The following ATXN1 variants were observed in gnomAD, a reference collection of about 807,000 sequenced individuals.
The protein encoded by ATXN1 is ataxin 1.
Under a neutral mutation model 56.4 loss-of-function variants are expected in ATXN1, and 8 were observed. The ratio of observed to expected loss-of-function variants is 0.14; its 90% CI spans 0.08 to 0.26. The LOEUF (loss-of-function observed/expected upper bound fraction) is 0.26, where lower values mean the gene tolerates loss of function less well. ATXN1 is among the 10% of genes least tolerant of loss of function. The pLI is 1.00. For missense variants in ATXN1, 987 were observed against 1,106.5 expected (o/e 0.89, Z 1.53); for synonymous variants, 514 against 494.6 (o/e 1.04, Z -0.52).
chr6:16,374,291 G>T (rs1171103758), intron 6 of ATXN1, among the ~76,000 whole-genome samples: 1 of 152,062 alleles, frequency 6.6e-6, no homozygotes, highest in Non-Finnish European at 1.5e-5. Flanking sequence ...CAAGCTAGAG[G>T]GTTTATTAGA....
intron 2 of ATXN1, among the ~76,000 whole-genome samples, chr6:16,704,860 T>A (rs1759373023): frequency 6.6e-6 from 1 of 152,206 alleles, no homozygotes; most frequent in Non-Finnish European, 1.5e-5. Flanking sequence ...TGCACCAATG[T>A]GCAGAACTTT....
At chr6:16,557,383 G>A (rs1403812521) in intron 4 of ATXN1, among the ~76,000 whole-genome samples, 2 of 150,836 alleles carry the variant, frequency 1.3e-5, no homozygotes, top group Non-Finnish European at 3.0e-5. Flanking sequence ...ATACTACTGA[G>A]GGACAGAGGA....
chr6:16,736,437 G>A (rs1252711929), intron 2 of ATXN1, among the ~76,000 whole-genome samples: 1 of 152,142 alleles, frequency 6.6e-6, no homozygotes, highest in African/African-American at 2.4e-5. Flanking sequence ...AAAATAAAGA[G>A]CTTTTCAGGA....
chr6:16,427,845 A>G (rs1759189359), intron 6 of ATXN1, among the ~76,000 whole-genome samples: 1 of 152,200 alleles, frequency 6.6e-6, no homozygotes, highest in Admixed American at 6.5e-5. Flanking sequence ...AATGTATTCC[A>G]TAGGGCTCTA....
intron 6 of ATXN1, among the ~76,000 whole-genome samples, chr6:16,481,576 T>C (rs538046055): frequency 2.2e-4 from 33 of 152,310 alleles, no homozygotes; most frequent in African/African-American, 6.5e-4. Flanking sequence ...AGGGAGTCCA[T>C]AGACACACAA....
intron 4 of ATXN1, among the ~76,000 whole-genome samples, chr6:16,581,230 C>CGTGT (rs1211990167): frequency 5.5e-5 from 7 of 127,824 alleles, no homozygotes; most frequent in South Asian, 5.1e-4. Flanking sequence ...TGTGTGCGCG[C>CGTGT]GTGTGTGTGT....
chr6:16,470,569 A>C (rs1760197713), intron 6 of ATXN1, among the ~76,000 whole-genome samples: 1 of 152,216 alleles, frequency 6.6e-6, no homozygotes, highest in Admixed American at 6.5e-5. Flanking sequence ...GATTATTATT[A>C]TGTTAGCTAT....
At position 16,327,696 on chromosome 6, in the gene ATXN1, C is replaced by CTGCTGCTGA. The variant is rs1760864776; in HGVS notation, c.614_615insTCAGCAGCA (p.Gln204_Gln205insHisGlnGln). ...GCTGCTGATGCTGATGCTGCTGCTG[C>CTGCTGCTGA]TGCTGCTGCTGCTGCTGCTGCTGCT... On this transcript the variant is annotated inframe_insertion, in exon 7 of 8. Transcript: ENST00000436367. 1.3e-6 allele frequency: 2 copies of CTGCTGCTGA among 1,592,690 alleles called. No homozygotes were observed. The highest frequency in any genetic ancestry group is 1.7e-5 in the Admixed American group (1 of 58,892).
At chr6:16,693,363 TTCC>T (rs1164307232) in intron 2 of ATXN1, among the ~76,000 whole-genome samples, 1 of 152,142 alleles carries the variant, frequency 6.6e-6, no homozygotes, top group Non-Finnish European at 1.5e-5. Flanking sequence ...CTTGCTTCCT[TTCC>T]AGAACATCAC....
chr6:16,700,231 G>T (rs1169912344), intron 2 of ATXN1, among the ~76,000 whole-genome samples: 8 of 152,102 alleles, frequency 5.3e-5, no homozygotes, highest in African/African-American at 1.7e-4. Context: ...TGGCGATCTG[G>T]ACAGGCTCTT....
At chr6:16,377,224 G>A (rs943446654) in intron 6 of ATXN1, among the ~76,000 whole-genome samples, 1 of 152,236 alleles carries the variant, frequency 6.6e-6, no homozygotes, top group Non-Finnish European at 1.5e-5. Context: ...ATGTATTTCT[G>A]TTGTTTATAA....
At chr6:16,536,219 CAAT>C (rs779730124) in intron 4 of ATXN1, among the ~76,000 whole-genome samples, 2 of 151,230 alleles carry the variant, frequency 1.3e-5, no homozygotes, top group Non-Finnish European at 1.5e-5. Flanking sequence ...CCTGTCTCAA[CAAT>C]AATAATAATA....
chr6:16,632,577 C>G (rs1017440370), intron 3 of ATXN1, among the ~76,000 whole-genome samples: 3 of 151,988 alleles, frequency 2.0e-5, no homozygotes, highest in African/African-American at 7.3e-5. Context: ...CACTGGGATG[C>G]GGGGTTGGGG....
At chr6:16,381,699 C>T (rs2113507016) in intron 6 of ATXN1, among the ~76,000 whole-genome samples, 1 of 152,288 alleles carries the variant, frequency 6.6e-6, no homozygotes, top group South Asian at 2.1e-4. Flanking sequence ...CAAGTTAAGA[C>T]AGGTGCCTTA....
chr6:16,743,317 G>C (rs1760407192), intron 2 of ATXN1, among the ~76,000 whole-genome samples: 1 of 152,118 alleles, frequency 6.6e-6, no homozygotes, highest in South Asian at 2.1e-4. Context: ...TTTCTCCTTA[G>C]CACAGGCTTC....
chr6:16,346,912 C>T (rs907171927), intron 6 of ATXN1, among the ~76,000 whole-genome samples: 2 of 152,348 alleles, frequency 1.3e-5, no homozygotes, highest in South Asian at 4.1e-4. Context: ...CCGGGCTGCG[C>T]GCGTTGCTTG....
chr6:16,737,989 G>A (rs1409966259), intron 2 of ATXN1: 1 of 152,132 alleles, frequency 6.6e-6, no homozygotes, highest in Non-Finnish European at 1.5e-5. Flanking sequence ...AAACCTAACA[G>A]AACTTTATTC....
chr6:16,409,710 T>A (rs1758759129), intron 6 of ATXN1, among the ~76,000 whole-genome samples: 2 of 151,376 alleles, frequency 1.3e-5, no homozygotes, highest in Non-Finnish European at 2.9e-5. Context: ...AAAGCTGGCT[T>A]TTGTAGGTCT....
rs183115946 is a variant in ATXN1, at chr6:16,332,874, C to G, written c.-160-4404G>C. ...CTCCGACCCGTGACATCAGCATCCT[C>G]TGCAAGTTTGCTGGAAATGCAGACT... On this transcript the variant is annotated intron_variant, in intron 6 of 7. Coordinates refer to ENST00000436367, the MANE Select transcript of ATXN1 (RefSeq NM_001128164.2). Among the ~76,000 whole-genome samples the G allele has an allele frequency of 1.2e-4, 19 of 152,328 alleles. No homozygotes were observed. The South Asian group carries it at 1.7e-3, about 13-fold the overall frequency.
Sources: allele counts gnomAD v4.1 joint callset (sites outside exome capture counted in the v4.1 genomes callset), GRCh38; gene constraint gnomAD v4.1.1; transcripts MANE v1.5; gene names NCBI Gene and HGNC (gene_info 2026-07-23, HGNC 2026-07-21).